ATP2B4: variants seen among roughly 807,000 people sequenced by gnomAD.
The protein encoded by ATP2B4 is ATPase plasma membrane Ca2+ transporting 4.
Under a neutral mutation model 110.3 loss-of-function variants are expected in ATP2B4, and 39 were observed. The ratio of observed to expected loss-of-function variants is 0.35; its 90% confidence interval spans 0.27 to 0.46. The LOEUF (loss-of-function observed/expected upper bound fraction) is 0.46. ATP2B4 is among the 20% of genes least tolerant of loss of function. The pLI is 1.00. For missense variants in ATP2B4, 1,135 were observed against 1,530.9 expected (o/e 0.74, Z 4.32); for synonymous variants, 538 against 571.7 (o/e 0.94, Z 0.84).
chr1:203,676,573 G>A (rs1264495755), intron 1 of ATP2B4, among the ~76,000 whole-genome samples: 3 of 152,194 alleles, frequency 2.0e-5, no homozygotes, highest in Non-Finnish European at 4.4e-5. Context: ...GAGAGAAGGA[G>A]TAGAGCTTAA....
chr1:203,725,838 C>G (rs918248621), intron 19 of ATP2B4, among the ~76,000 whole-genome samples: 1 of 151,362 alleles, frequency 6.6e-6, no homozygotes, highest in Non-Finnish European at 1.5e-5. Context: ...TCCCCTAAAC[C>G]TGCTAGTTAT....
intron 20 of ATP2B4, chr1:203,733,480 G>C: frequency 7.4e-7 from 1 of 1,344,016 alleles, no homozygotes; most frequent in Non-Finnish European, 1.0e-6. Context: ...AACCAACCAT[G>C]GTTATCTTTT....
intron 1 of ATP2B4, among the ~76,000 whole-genome samples, chr1:203,671,152 C>A (rs1044805674): frequency 3.9e-5 from 6 of 152,310 alleles, no homozygotes; most frequent in Admixed American, 3.9e-4. Flanking sequence ...CTAGCTGTTT[C>A]TGAAAGGTGA....
chr1:203,735,177 C>T (rs977779091), intron 20 of ATP2B4, among the ~76,000 whole-genome samples: 1 of 152,084 alleles, frequency 6.6e-6, no homozygotes, highest in Non-Finnish European at 1.5e-5. Flanking sequence ...TTGATTGTTT[C>T]ACCAATAGCC....
At chr1:203,733,228 C>T (rs749489036) in intron 20 of ATP2B4, 11 of 1,611,730 alleles carry the variant, frequency 6.8e-6, no homozygotes, top group African/African-American at 1.3e-5. Flanking sequence ...TGCAGATCGA[C>T]GTAATTAACA....
Position 203,713,160 on chromosome 1 carries a change from G to A in ATP2B4, c.2212-5G>A. 6 of 1,614,170 alleles carry A rather than the reference G, an allele frequency of 3.7e-6. No individual in the cohort carries two copies. The highest frequency in any genetic ancestry group is 5.1e-6 in the Non-Finnish European group (6 of 1,180,006). On this transcript the variant is annotated splice_region_variant and splice_polypyrimidine_tract_variant and intron_variant, in intron 13 of 20. Coordinates refer to ENST00000357681, the MANE Select transcript of ATP2B4 (RefSeq NM_001684.5). ...ACTGATCCAGGTGTGGTCTGGTGTTGGCAGGTAGAGCAAGAAAAGCTGGAC... is the reference window on the plus strand; with the variant it reads ...ACTGATCCAGGTGTGGTCTGGTGTTAGCAGGTAGAGCAAGAAAAGCTGGAC...
At chr1:203,645,661 G>A (rs760389182) in intron 1 of ATP2B4, among the ~76,000 whole-genome samples, 2 of 147,924 alleles carry the variant, frequency 1.4e-5, no homozygotes, top group South Asian at 2.1e-4. Flanking sequence ...GCATAATCTC[G>A]GCTCACTGCA....
chr1:203,651,475 C>T (rs1318137766), intron 1 of ATP2B4, among the ~76,000 whole-genome samples: 1 of 152,182 alleles, frequency 6.6e-6, no homozygotes, highest in African/African-American at 2.4e-5. Context: ...TTTCCTATCC[C>T]ATCCCCCCAC....
At chr1:203,653,194 T>G (rs147095644) in intron 1 of ATP2B4, among the ~76,000 whole-genome samples, 1 of 152,358 alleles carries the variant, frequency 6.6e-6, no homozygotes, top group East Asian at 1.9e-4. Flanking sequence ...AGCCACAACA[T>G]TCCCTTAAGT....
chr1:203,711,334 T>G (rs147132525), intron 12 of ATP2B4, among the ~76,000 whole-genome samples: 11 of 152,264 alleles, frequency 7.2e-5, no homozygotes, highest in Admixed American at 2.6e-4. Context: ...TTGGGCTCAT[T>G]ATTTGGTACT....
intron 1 of ATP2B4, among the ~76,000 whole-genome samples, chr1:203,640,832 A>G (rs1019637284): frequency 3.9e-5 from 6 of 152,218 alleles, no homozygotes; most frequent in African/African-American, 1.4e-4. Flanking sequence ...TAGCCCATTT[A>G]TAGATTTCCT....
At chr1:203,727,873 G>T in intron 20 of ATP2B4, 1 of 391,072 alleles carries the variant, frequency 2.6e-6, no homozygotes, top group East Asian at 5.7e-5. Context: ...TCAGCATAAG[G>T]TCTCTTGCAA....
intron 1 of ATP2B4, among the ~76,000 whole-genome samples, chr1:203,651,852 G>A (rs1401200552): frequency 2.0e-5 from 3 of 151,862 alleles, no homozygotes; most frequent in Non-Finnish European, 4.4e-5. Flanking sequence ...GAGGTCAGGA[G>A]TTCGAGACCA....
intron 1 of ATP2B4, among the ~76,000 whole-genome samples, chr1:203,646,919 T>C (rs1262285474): frequency 3.9e-5 from 6 of 152,174 alleles, no homozygotes; most frequent in Non-Finnish European, 8.8e-5. Context: ...TAGTCTCTTT[T>C]AGTCTTTTAT....
intron 1 of ATP2B4, among the ~76,000 whole-genome samples, chr1:203,674,029 A>T (rs1171578769): frequency 2.0e-5 from 3 of 152,184 alleles, no homozygotes; most frequent in East Asian, 1.9e-4. Context: ...CCCAAGAAAG[A>T]CAGTCTGTGT....
intron 1 of ATP2B4, among the ~76,000 whole-genome samples, chr1:203,674,123 G>T (rs1182299513): frequency 6.6e-6 from 1 of 152,212 alleles, no homozygotes; most frequent in African/African-American, 2.4e-5. Context: ...GCTTCCTGCC[G>T]CAGCTCTGAG....
At chr1:203,734,705 CAAA>C (rs35242931) in intron 20 of ATP2B4, among the ~76,000 whole-genome samples, 31 of 123,624 alleles carry the variant, frequency 2.5e-4, no homozygotes, top group Admixed American at 3.9e-4. Flanking sequence ...GACTCCATCT[CAAA>C]AAAAAAAAAA....
chr1:203,700,868 C>A lies in ATP2B4; in HGVS notation c.846C>A (p.Ile282=). 6.2e-7 allele frequency: 1 copy of A among 1,613,802 alleles called. No individual in the cohort carries two copies. The highest frequency in any genetic ancestry group is 1.1e-5 in the South Asian group (1 of 91,064). ...TAVGVNSQTG[I]ILTLLGVNED... ...TTGGTGTCAACTCTCAGACTGGAAT[C>A]ATCCTTACTCTCTTGGGGGTCAATG... Residue 282 remains isoleucine, a synonymous_variant, in exon 6 of 21, where the codon ATC becomes ATA. Coordinates refer to ENST00000357681, the MANE Select transcript of ATP2B4 (RefSeq NM_001684.5).
chr1:203,683,412 CA>C lies in ATP2B4; in HGVS notation c.193+15del, dbSNP rs1665076349. 2 of 1,588,094 alleles carry C rather than the reference CA, an allele frequency of 1.3e-6. No individual in the cohort carries two copies. Among genetic ancestry groups the C allele is most frequent in the Admixed American group, 1.7e-5 (1 of 57,862 alleles). ...CCCCTGTGGAAGGTAAAGGCCATATCAGGGGTGGGGAGTTGGAGGAAGGTGG... is the reference window on the plus strand; with the variant it reads ...CCCCTGTGGAAGGTAAAGGCCATATCGGGGTGGGGAGTTGGAGGAAGGTGG... On this transcript the variant is annotated intron_variant, in intron 2 of 20. Coordinates refer to ENST00000357681, the MANE Select transcript of ATP2B4 (RefSeq NM_001684.5).
Sources: allele counts gnomAD v4.1 joint callset (sites outside exome capture counted in the v4.1 genomes callset), GRCh38; gene constraint gnomAD v4.1.1; transcripts MANE v1.5; gene names NCBI Gene and HGNC (gene_info 2026-07-23, HGNC 2026-07-21).